Variants in ZBTB20 observed in about 807,000 individuals in gnomAD.
The protein encoded by ZBTB20 is zinc finger and BTB domain-containing protein 20.
A neutral mutation model predicts 56.9 loss-of-function variants in ZBTB20; 9 were observed. The observed-to-expected ratio is 0.16, with a 90% CI of 0.10 to 0.28. The LOEUF is 0.28. ZBTB20 is among the 10% of genes least tolerant of loss of function. The pLI is 1.00. For missense variants in ZBTB20, 655 were observed against 1,003.0 expected, an observed-to-expected ratio of 0.65 and a Z score of 4.69; for synonymous variants, 417 against 420.7, an observed-to-expected ratio of 0.99 and a Z score of 0.11.
chr3:114,625,862 G>A (rs1329426437), intron 6 of ZBTB20, among the ~76,000 whole-genome samples: 1 of 152,112 alleles, frequency 6.6e-6, no homozygotes, highest in African/African-American at 2.4e-5. Flanking sequence ...AAAAATTAGT[G>A]ATAGACATTT....
intron 10 of ZBTB20, among the ~76,000 whole-genome samples, chr3:114,360,661 T>C (rs1191956637): frequency 6.6e-5 from 10 of 152,204 alleles, no homozygotes; most frequent in Non-Finnish European, 1.3e-4. Context: ...AATTTCTCTA[T>C]GGACTTGAGC....
At chr3:115,040,688 T>C (rs1252164432) in intron 2 of ZBTB20, among the ~76,000 whole-genome samples, 1 of 152,170 alleles carries the variant, frequency 6.6e-6, no homozygotes, top group Non-Finnish European at 1.5e-5. Flanking sequence ...TGTTTGGGTT[T>C]AATCTTGGGC....
chr3:114,990,096 A>G (rs908100395), intron 2 of ZBTB20, among the ~76,000 whole-genome samples: 16 of 151,840 alleles, frequency 1.1e-4, no homozygotes, highest in Admixed American at 7.2e-4. Context: ...CCCTGTATTT[A>G]TTTCTCCTGC....
intron 1 of ZBTB20, among the ~76,000 whole-genome samples, chr3:115,073,017 G>A (rs1385228690): frequency 6.6e-6 from 1 of 152,130 alleles, no homozygotes; most frequent in African/African-American, 2.4e-5. Context: ...TAAGCACAAG[G>A]GGTGATTCAA....
intron 4 of ZBTB20, among the ~76,000 whole-genome samples, chr3:114,848,905 C>G (rs374020772): frequency 3.3e-5 from 5 of 152,286 alleles, no homozygotes; most frequent in Admixed American, 2.6e-4. Context: ...GTGCTACTAT[C>G]ACAAGAGTGG....
At chr3:114,878,389 AC>A (rs963472673) in intron 4 of ZBTB20, among the ~76,000 whole-genome samples, 7 of 152,126 alleles carry the variant, frequency 4.6e-5, no homozygotes, top group African/African-American at 1.7e-4. Context: ...TATCATATGA[AC>A]CAGCTCTTCA....
At position 114,916,075 on chromosome 3, in the gene ZBTB20, A is replaced by G. The variant is rs1444514890; in HGVS notation, c.-455-15733T>C. 2.0e-5 allele frequency among the ~76,000 whole-genome samples: 3 copies of G among 152,218 alleles called. No homozygotes were observed. In the East Asian group the frequency reaches 5.8e-4, roughly 29 times the overall value. ...AATATGTATTAGGTTCATTCAGTCTATGGTGCAGATTAAGTCCAATGTTTC... is the reference window on the plus strand; with the variant it reads ...AATATGTATTAGGTTCATTCAGTCTGTGGTGCAGATTAAGTCCAATGTTTC... On this transcript the variant is annotated intron_variant, in intron 3 of 11. Coordinates refer to ENST00000675478, the MANE Select transcript of ZBTB20 (RefSeq NM_001348800.3).
intron 3 of ZBTB20, among the ~76,000 whole-genome samples, chr3:114,958,817 C>G (rs1232176647): frequency 6.6e-6 from 1 of 150,606 alleles, no homozygotes; most frequent in Non-Finnish European, 1.5e-5. Flanking sequence ...CACCACTGCA[C>G]TCCAGCCTGG....
intron 7 of ZBTB20, among the ~76,000 whole-genome samples, chr3:114,447,853 A>C (rs758193308): frequency 2.6e-5 from 4 of 152,134 alleles, no homozygotes; most frequent in Admixed American, 6.6e-5. Flanking sequence ...AACAGCTTTG[A>C]GCCTAATGCC....
intron 4 of ZBTB20, among the ~76,000 whole-genome samples, chr3:114,845,516 C>T (rs903185808): frequency 4.6e-5 from 7 of 151,516 alleles, no homozygotes; most frequent in Non-Finnish European, 1.0e-4. Flanking sequence ...TGCCTCACCT[C>T]GCCCGTGACT....
rs1467726751 is a variant in ZBTB20, at chr3:114,976,580, C to A, written c.-506-2164G>T. 2.0e-5 allele frequency among the ~76,000 whole-genome samples: 3 copies of A among 151,144 alleles called. No homozygotes were observed. The South Asian group carries it at 6.3e-4, about 32-fold the overall frequency. ...GGTGGAGGTTGCAGTGAGCCAAGAT[C>A]GCGCCACTGCCCTTCAGCCTGGGTG... On this transcript the variant is annotated intron_variant, in intron 2 of 11. Transcript: ENST00000675478.
chr3:114,410,447 A>G (rs1450351991), intron 7 of ZBTB20, among the ~76,000 whole-genome samples: 1 of 152,168 alleles, frequency 6.6e-6, no homozygotes, highest in East Asian at 1.9e-4. Context: ...CTAAGAAATT[A>G]AATATCAGCC....
rs2084343965 is a variant in ZBTB20, at chr3:115,126,719, T to C, written c.-703+20500A>G. ...TAAAAGTTTATAAGTGGTAAAGCTGTATTATTTATGAAAAAATGGAACAAT... is the reference window on the plus strand; with the variant it reads ...TAAAAGTTTATAAGTGGTAAAGCTGCATTATTTATGAAAAAATGGAACAAT... On this transcript the variant is annotated intron_variant, in intron 1 of 11. Transcript: ENST00000675478. Among the ~76,000 whole-genome samples the C allele has an allele frequency of 2.6e-5, 4 of 152,200 alleles. No homozygotes were observed. The South Asian group carries it at 8.3e-4, about 32-fold the overall frequency.
chr3:114,673,725 C>A (rs958176101), intron 6 of ZBTB20, among the ~76,000 whole-genome samples: 3 of 152,096 alleles, frequency 2.0e-5, no homozygotes, highest in East Asian at 1.9e-4. Context: ...ACACTTTGGT[C>A]TTTTATTTGT....
At chr3:114,816,877 C>T (rs1205430859) in intron 4 of ZBTB20, among the ~76,000 whole-genome samples, 1 of 152,084 alleles carries the variant, frequency 6.6e-6, no homozygotes, top group African/African-American at 2.4e-5. Flanking sequence ...AGCAGGTTCA[C>T]CTTTGTTTGA....
intron 2 of ZBTB20, among the ~76,000 whole-genome samples, chr3:115,070,799 A>T (rs2082383379): frequency 6.6e-6 from 1 of 152,060 alleles, no homozygotes. Context: ...ATATATACTC[A>T]CATAAAAAAT....
At chr3:114,541,653 T>C (rs1248918510) in intron 6 of ZBTB20, among the ~76,000 whole-genome samples, 2 of 152,148 alleles carry the variant, frequency 1.3e-5, no homozygotes, top group African/African-American at 4.8e-5. Flanking sequence ...CTGTGGACTG[T>C]GATAGTACCT....
At chr3:115,095,480 A>T (rs1165363314) in intron 1 of ZBTB20, among the ~76,000 whole-genome samples, 1 of 152,228 alleles carries the variant, frequency 6.6e-6, no homozygotes, top group Admixed American at 6.5e-5. Context: ...GAGGTTATGA[A>T]GCCAAAGTCA....
chr3:114,755,445 T>G (rs1347198759), intron 5 of ZBTB20, among the ~76,000 whole-genome samples: 1 of 152,200 alleles, frequency 6.6e-6, no homozygotes, highest in African/African-American at 2.4e-5. Context: ...AGTACAGAAG[T>G]GTTTTATGAA....
Sources: allele counts gnomAD v4.1 joint callset (sites outside exome capture counted in the v4.1 genomes callset), GRCh38; gene constraint gnomAD v4.1.1; transcripts MANE v1.5; gene names NCBI Gene and HGNC (gene_info 2026-07-23, HGNC 2026-07-21).